Variants in ASF1B observed in about 807,000 individuals in gnomAD.
ASF1B encodes the protein histone chaperone ASF1B.
In ASF1B, 10 loss-of-function variants were observed where a neutral mutation model predicts 16.6. The observed-to-expected ratio is 0.60, with a 90% CI of 0.37 to 1.02. The LOEUF (loss-of-function observed/expected upper bound fraction) is 1.02, where lower values mean the gene tolerates loss of function less well. Ranked by LOEUF, ASF1B falls within the 50% of genes least tolerant of loss-of-function variation. The probability of loss-of-function intolerance (pLI) is 0.01; values close to 1 mark genes in which losing one functional copy is unlikely to be tolerated. For missense variants in ASF1B, 240 were observed against 266.0 expected, an observed-to-expected ratio of 0.90 and a Z score of 0.68; for synonymous variants, 101 against 106.2, an observed-to-expected ratio of 0.95 and a Z score of 0.30.
At chr19:14,123,350 CAG>C (rs1967267958) in intron 2 of ASF1B, among the ~76,000 whole-genome samples, 1 of 150,682 alleles carries the variant, frequency 6.6e-6, no homozygotes, top group South Asian at 2.1e-4. Context: ...CTGGAGAACT[CAG>C]AATCTCCATT....
intron 1 of ASF1B, among the ~76,000 whole-genome samples, chr19:14,133,843 G>A (rs1276765771): frequency 8.9e-6 from 1 of 112,706 alleles, no homozygotes; most frequent in Non-Finnish European, 1.7e-5. Flanking sequence ...TCGCTCTGTC[G>A]CCCAGGCTGG....
Position 14,121,594 on chromosome 19 carries a change from T to G in ASF1B, c.340A>C (p.Asn114His). The change falls in exon 3 of 4, where the codon AAC becomes CAC. Residue 114 changes from asparagine (N) to histidine (H), a missense_variant. By Grantham distance (68) the Asn-to-His change is moderately conservative. Transcript: ENST00000263382. ...QEFIRVGYYV[N>H]NEYLNPELRE... ...AGCTCAGGGTTGAGGTACTCGTTGT[T>G]GACGTAGTAGCCCACTCGGATGAAC... 6.2e-7 allele frequency: 1 copy of G among 1,614,062 alleles called. No individual in the cohort carries two copies. Among genetic ancestry groups the G allele is most frequent in the African/African-American group, 1.3e-5 (1 of 74,988 alleles).
chr19:14,133,721 T>C (rs909508969), intron 1 of ASF1B, among the ~76,000 whole-genome samples: 2 of 151,910 alleles, frequency 1.3e-5, no homozygotes, highest in East Asian at 1.9e-4. Context: ...CCGGCTCTAA[T>C]TCTATAAATA....
intron 1 of ASF1B, among the ~76,000 whole-genome samples, chr19:14,133,645 G>A (rs1017802408): frequency 5.9e-5 from 9 of 151,636 alleles, no homozygotes; most frequent in African/African-American, 1.9e-4. Flanking sequence ...TCCAGCCTGG[G>A]GGACAAGAGC....
At chr19:14,131,357 G>A (rs2144518427) in intron 1 of ASF1B, among the ~76,000 whole-genome samples, 1 of 149,184 alleles carries the variant, frequency 6.7e-6, no homozygotes, top group South Asian at 2.1e-4. Context: ...GCTAATTTTT[G>A]TATTTAGTAG....
intron 1 of ASF1B, among the ~76,000 whole-genome samples, chr19:14,135,141 T>C (rs1350477171): frequency 6.7e-6 from 1 of 150,028 alleles, no homozygotes; most frequent in Non-Finnish European, 1.5e-5. Flanking sequence ...GAAGAATCGC[T>C]TGAACTCGGG....
chr19:14,122,033 C>T (rs1038930336), intron 2 of ASF1B, among the ~76,000 whole-genome samples: 5 of 151,550 alleles, frequency 3.3e-5, no homozygotes, highest in East Asian at 3.9e-4. Context: ...CGGGTTCAAG[C>T]GATTCTCCTG....
rs569298407 is a variant in ASF1B at position 14,123,056 on chromosome 19, G to A, written c.226-1348C>T. On this transcript the variant is annotated intron_variant, in intron 2 of 3. Transcript: ENST00000263382. Reference sequence around the variant, plus strand: ...AAACAAGACCAGCCACGTAATTGGTGCAAAATAAAACCAATGCAAAATGAA... The same window carrying A: ...AAACAAGACCAGCCACGTAATTGGTACAAAATAAAACCAATGCAAAATGAA... Among the ~76,000 whole-genome samples the A allele has an allele frequency of 1.2e-3, 186 of 152,258 alleles. 1 individual carries two copies. The highest frequency in any genetic ancestry group is 4.3e-3 in the African/African-American group (180 of 41,536).
Position 14,124,771 on chromosome 19 carries a change from T to G in ASF1B, c.225+1351A>C, listed in dbSNP as rs376418371. Among the ~76,000 whole-genome samples, 8 of 152,294 alleles carry G rather than the reference T, an allele frequency of 5.3e-5. 1 individual carries two copies. In the East Asian group the frequency reaches 1.3e-3, roughly 26 times the overall value. ...TCCTTTCCTCAGCCTACTTAGTGCTTTTTTCCATGTTTTGTGCTTTTTGTT... is the reference window on the plus strand; with the variant it reads ...TCCTTTCCTCAGCCTACTTAGTGCTGTTTTCCATGTTTTGTGCTTTTTGTT... On this transcript the variant is annotated intron_variant, in intron 2 of 3. Transcript: ENST00000263382.
intron 1 of ASF1B, among the ~76,000 whole-genome samples, chr19:14,134,518 A>AC (rs1470853020): frequency 6.6e-6 from 1 of 151,340 alleles, no homozygotes; most frequent in Non-Finnish European, 1.5e-5. Flanking sequence ...CCAGATCACC[A>AC]CCTCCTCGGC....
intron 3 of ASF1B, 69 bp from the exon 4 acceptor site, chr19:14,120,734 C>T: frequency 4.9e-6 from 7 of 1,436,284 alleles, no homozygotes; most frequent in Non-Finnish European, 6.8e-6. Flanking sequence ...AGCCAGGACA[C>T]CCCCAATCAC....
In ASF1B at chr19:14,120,523, T is replaced by C; in HGVS notation, c.545A>G (p.Lys182Arg). The change falls in exon 4 of 4, where the codon AAG (lysine) becomes AGG (arginine). Residue 182 changes from lysine to arginine, a missense_variant. Transcript: ENST00000263382. ...CGLPLNCTPI[K>R]GLGLPGCIPG... ...GATGCAGCCAGGGAGCCCCAAGCCC[T>C]TGATAGGAGTGCAGTTGAGTGGGAG... 6.2e-7 allele frequency: 1 copy of C among 1,613,506 alleles called. No homozygotes were observed. The highest frequency in any genetic ancestry group is 1.1e-5 in the South Asian group (1 of 91,052).
At chr19:14,121,203 C>A in intron 3 of ASF1B, 1 of 424,838 alleles carries the variant, frequency 2.4e-6, no homozygotes, top group South Asian at 5.6e-5. Flanking sequence ...TCACTGCAGC[C>A]TCAAACTCCT....
intron 1 of ASF1B, among the ~76,000 whole-genome samples, chr19:14,130,787 G>GTGTGTATATATATATA (rs141600762): frequency 2.1e-5 from 3 of 142,440 alleles, no homozygotes; most frequent in African/African-American, 7.8e-5. Context: ...GTGTTTGTGT[G>GTGTGTATATATATATA]TATATATATA....
chr19:14,123,937 T>G (rs562940584), intron 2 of ASF1B, among the ~76,000 whole-genome samples: 18 of 152,034 alleles, frequency 1.2e-4, no homozygotes, highest in African/African-American at 4.1e-4. Flanking sequence ...ATAACAAATG[T>G]GCACCACCAC....
At chr19:14,134,212 GGC>G (rs1216417820) in intron 1 of ASF1B, among the ~76,000 whole-genome samples, 6 of 151,976 alleles carry the variant, frequency 3.9e-5, no homozygotes, top group Non-Finnish European at 5.9e-5. Flanking sequence ...ATCTCCTCCT[GGC>G]TTTTAAATTA....
intron 1 of ASF1B, among the ~76,000 whole-genome samples, chr19:14,135,974 G>C (rs1292406154): frequency 6.6e-6 from 1 of 151,600 alleles, no homozygotes; most frequent in African/African-American, 2.4e-5. Flanking sequence ...CCTAGGAAGA[G>C]CTCCAGAGAA....
rs754200852 is a variant in ASF1B at position 14,136,468 on chromosome 19, G to A, written c.-12C>T. The A allele has an allele frequency of 2.5e-6, 4 of 1,610,964 alleles. No homozygotes were observed. Among genetic ancestry groups the A allele is most frequent in the Middle Eastern group, 1.7e-4 (1 of 6,056 alleles). ...GACACCTTGGCCATCGCCTCGCCTC[G>A]CCGCGCCGCAGCAGGGGCAGGGGCT... On this transcript the variant is annotated 5_prime_UTR_variant, in exon 1 of 4. Transcript: ENST00000263382.
At chr19:14,121,764 T>G (rs1365185986) in intron 2 of ASF1B, 56 bp from the exon 3 acceptor site, 15 of 1,473,488 alleles carry the variant, frequency 1.0e-5, no homozygotes, top group Non-Finnish European at 1.4e-5. Context: ...TCGATGTCAT[T>G]AGTACAAAGA....
Sources: allele counts gnomAD v4.1 joint callset (sites outside exome capture counted in the v4.1 genomes callset), GRCh38; gene constraint gnomAD v4.1.1; transcripts MANE v1.5; gene names NCBI Gene and HGNC (gene_info 2026-07-23, HGNC 2026-07-21).